Variants in SFXN2 observed in about 807,000 individuals in gnomAD.
The protein encoded by SFXN2 is sideroflexin-2.
SFXN2 carries 37 observed loss-of-function variants against 41.9 expected under a neutral mutation model. The ratio of observed to expected loss-of-function variants is 0.88; its 90% CI spans 0.68 to 1.16. SFXN2 has a LOEUF of 1.16. SFXN2 is among the 50% of genes most tolerant of loss of function. The pLI is 0.00. For missense variants in SFXN2, 386 were observed against 425.2 expected, an observed-to-expected ratio of 0.91 and a Z score of 0.81; for synonymous variants, 150 against 156.7, an observed-to-expected ratio of 0.96 and a Z score of 0.32.
At position 102,741,587 on chromosome 10, in the gene SFXN2, TAGACAG is replaced by T. The variant is rs1842783442; in HGVS notation, c.*3828_*3833del. On this transcript the variant is annotated 3_prime_UTR_variant, in exon 12 of 12. Coordinates refer to ENST00000369893, the MANE Select transcript of SFXN2 (RefSeq NM_178858.6). ...GCCCAGCTAATTTTTAAATTTTTTG[TAGACAG>T]AGGGCCTCACTATGTTTCCCAGGTT... 6.6e-6 allele frequency: 1 copy of T among 152,272 alleles called. No individual in the cohort carries two copies. Among genetic ancestry groups the T allele is most frequent in the Non-Finnish European group, 1.5e-5 (1 of 68,078 alleles). The allele number at this position is 152,272 out of a possible 1,614,324, so 9.4% of individuals were successfully genotyped here. A position where few individuals can be genotyped will look rare whatever the true frequency, so the allele number is the denominator to read the frequency against.
intron 1 of SFXN2, among the ~76,000 whole-genome samples, chr10:102,723,090 C>G (rs2064534126): frequency 6.6e-6 from 1 of 151,452 alleles, no homozygotes. Context: ...CACCACCACA[C>G]CTGGCTAATT....
chr10:102,742,632 T>C lies in SFXN2; in HGVS notation c.*4870T>C, dbSNP rs1420461592. ...CACCATGCTTGGCTAATTTGGCTAA[T>C]TTAGTTTTTTTATTTTTGTAGAGAC... On this transcript the variant is annotated 3_prime_UTR_variant, in exon 12 of 12. Transcript: ENST00000369893. 6.6e-6 allele frequency: 1 copy of C among 152,086 alleles called. No individual in the cohort carries two copies. The highest frequency in any genetic ancestry group is 6.6e-5 in the Admixed American group (1 of 15,266). The allele number at this position is 152,086 out of a possible 1,614,324, so 9.4% of individuals were successfully genotyped here.
chr10:102,732,978 C>G, intron 9 of SFXN2, 70 bp downstream of exon 9: 1 of 1,488,138 alleles, frequency 6.7e-7, no homozygotes, highest in Non-Finnish European at 9.4e-7. Context: ...CTAGGGATAC[C>G]TGACCTGCCC....
Position 102,726,781 on chromosome 10 carries a change from A to T in SFXN2, c.145A>T (p.Met49Leu), listed in dbSNP as rs35280942. 1.2e-6 allele frequency: 2 copies of T among 1,614,104 alleles called. No homozygotes were observed. The highest frequency in any genetic ancestry group is 1.1e-5 in the South Asian group (1 of 91,076). ...SERELDWAKV[M>L]VEKSRMGVVP... ...GCGGGAGCTGGACTGGGCCAAGGTG[A>T]TGGTGGAGAAGAGCAGGTGAGGGGT... Residue 49 changes from methionine (M) to leucine (L), a missense_variant, in exon 2 of 12, where the codon ATG becomes TTG. Met to Leu is a conservative substitution (Grantham distance 15). Coordinates refer to ENST00000369893, the MANE Select transcript of SFXN2 (RefSeq NM_178858.6).
Position 102,738,026 on chromosome 10 carries a change from C to T in SFXN2, c.*264C>T. 1 of 249,656 alleles carries T rather than the reference C, an allele frequency of 4.0e-6. No homozygotes were observed. Among genetic ancestry groups the T allele is most frequent in the Non-Finnish European group, 7.7e-6 (1 of 130,490 alleles). The allele number at this position is 249,656 out of a possible 1,614,324, so 15.5% of individuals were successfully genotyped here. ...TCCCCTGGAGACCAGAAGCTGAGGC[C>T]CTCTCAGGGAGGAGACATCCAAGCA... is the stretch of plus-strand genomic sequence containing the variant. On this transcript the variant is annotated 3_prime_UTR_variant, in exon 12 of 12. Coordinates refer to ENST00000369893, the MANE Select transcript of SFXN2 (RefSeq NM_178858.6).
intron 9 of SFXN2, among the ~76,000 whole-genome samples, 155 bp from the exon 10 acceptor site, chr10:102,733,399 C>A (rs759219434): frequency 6.6e-6 from 1 of 152,206 alleles, no homozygotes; most frequent in Non-Finnish European, 1.5e-5. Flanking sequence ...CTGCCCATCT[C>A]GGTCTCCCAA....
intron 1 of SFXN2, among the ~76,000 whole-genome samples, chr10:102,725,320 G>A (rs2064576170): frequency 6.6e-6 from 1 of 152,150 alleles, no homozygotes; most frequent in Non-Finnish European, 1.5e-5. Flanking sequence ...GAGGCAGGAA[G>A]GCAAGAGGTG....
At position 102,732,172 on chromosome 10, in the gene SFXN2, CA is replaced by C; in HGVS notation, c.676del (p.Thr226ProfsTer3). The C allele has an allele frequency of 6.2e-7, 1 of 1,614,020 alleles. No homozygotes were observed. Among genetic ancestry groups the C allele is most frequent in the African/African-American group, 1.3e-5 (1 of 75,052 alleles). On this transcript the variant is annotated frameshift_variant, in exon 8 of 12. Coordinates refer to ENST00000369893, the MANE Select transcript of SFXN2 (RefSeq NM_178858.6). LOFTEE classifies it high-confidence loss of function. The stretch of plus-strand genomic sequence containing the variant: ...CTCAGAGAGCTGCGGCCATAGGCAT[CA>C]CCCAAGTAGTTATTTCTCGGATCAC... ...HSRRAAAIGI[T>X]QVVISRITMS...
intron 1 of SFXN2, among the ~76,000 whole-genome samples, chr10:102,720,012 G>A (rs557373681): frequency 1.3e-5 from 2 of 152,274 alleles, no homozygotes; most frequent in South Asian, 2.1e-4. Flanking sequence ...AATCCCGGCC[G>A]GGCTTGGTGG....
At chr10:102,728,895 C>G (rs140628889) in intron 4 of SFXN2, among the ~76,000 whole-genome samples, 2 of 152,132 alleles carry the variant, frequency 1.3e-5, no homozygotes, top group African/African-American at 4.8e-5. Context: ...TGCCTAAGAT[C>G]AGTCTCAAAA....
At chr10:102,733,795 T>C (rs2064736670) in intron 10 of SFXN2, among the ~76,000 whole-genome samples, 192 bp downstream of exon 10, 1 of 152,216 alleles carries the variant, frequency 6.6e-6, no homozygotes, top group East Asian at 1.9e-4. Context: ...GGCTAGACTT[T>C]ATGCACGTGT....
At chr10:102,716,047 T>C (rs779563516) in intron 1 of SFXN2, among the ~76,000 whole-genome samples, 1 of 151,684 alleles carries the variant, frequency 6.6e-6, no homozygotes, top group Non-Finnish European at 1.5e-5. Context: ...TGAATGGAGG[T>C]GATACAGGAG....
intron 1 of SFXN2, chr10:102,717,579 C>T (rs2064436010): frequency 1.2e-5 from 2 of 160,546 alleles, no homozygotes; most frequent in Admixed American, 1.3e-4. Context: ...CTAGATGTGG[C>T]TTGTGTGGGA....
intron 4 of SFXN2, among the ~76,000 whole-genome samples, chr10:102,728,855 T>G (rs1174777493): frequency 3.3e-5 from 5 of 151,994 alleles, no homozygotes; most frequent in Admixed American, 3.3e-4. Flanking sequence ...CCTGTAATCC[T>G]AGCGCTTTGG....
At chr10:102,722,948 T>C (rs1221899473) in intron 1 of SFXN2, among the ~76,000 whole-genome samples, 2 of 70,068 alleles carry the variant, frequency 2.9e-5, no homozygotes, top group Non-Finnish European at 5.8e-5. Flanking sequence ...TTTTTTTTTT[T>C]TGAGACAGGG....
intron 6 of SFXN2, among the ~76,000 whole-genome samples, chr10:102,730,485 G>C (rs1382158068): frequency 6.6e-6 from 1 of 152,188 alleles, no homozygotes; most frequent in African/African-American, 2.4e-5. Context: ...CCAACAAATG[G>C]AAAATGTTCA....
intron 4 of SFXN2, 67 bp from the exon 5 acceptor site, chr10:102,729,252 C>G (rs2064661404): frequency 1.3e-6 from 2 of 1,520,566 alleles, no homozygotes; most frequent in Non-Finnish European, 1.8e-6. Context: ...GACTTTCTCC[C>G]TGAAGCCCGT....
At position 102,727,079 on chromosome 10, in the gene SFXN2, A is replaced by G. The variant is rs763709153; in HGVS notation, c.254A>G (p.Lys85Arg). 5 of 1,611,164 alleles carry G rather than the reference A, an allele frequency of 3.1e-6. No homozygotes were observed. The highest frequency in any genetic ancestry group is 1.7e-5 in the Admixed American group (1 of 59,964). Residue 85 changes from lysine to arginine, a missense_variant, in exon 3 of 12, where the codon AAG (lysine) becomes AGG (arginine). Coordinates refer to ENST00000369893, the MANE Select transcript of SFXN2 (RefSeq NM_178858.6). ...GCCTTCCACCCCGACACTGGGGAGA[A>G]GATGAATGTCATCGGGCGCATGTCT... ...DSAFHPDTGE[K>R]MNVIGRMSFQ...
intron 10 of SFXN2, 62 bp downstream of exon 10, chr10:102,733,665 T>C: frequency 7.2e-7 from 1 of 1,393,712 alleles, no homozygotes; most frequent in Non-Finnish European, 1.0e-6. Flanking sequence ...ATGTGTCGTC[T>C]TGTCTAGCCC....
Sources: allele counts gnomAD v4.1 joint callset (sites outside exome capture counted in the v4.1 genomes callset), GRCh38; gene constraint gnomAD v4.1.1; transcripts MANE v1.5; gene names NCBI Gene and HGNC (gene_info 2026-07-23, HGNC 2026-07-21).